MACROD2: variants seen among roughly 807,000 people sequenced by gnomAD.
The protein encoded by MACROD2 is ADP-ribose glycohydrolase MACROD2.
Under a neutral mutation model 70.4 loss-of-function variants are expected in MACROD2, and 36 were observed. The observed-to-expected ratio is 0.51, with a 90% CI of 0.39 to 0.68. MACROD2 has a LOEUF of 0.68. Among genes scored for constraint, MACROD2 ranks in the 30% least tolerant of loss-of-function variants. The probability of loss-of-function intolerance (pLI) is 0.00; values close to 1 mark genes in which losing one functional copy is unlikely to be tolerated. For missense variants in MACROD2, 496 were observed against 538.4 expected, an observed-to-expected ratio of 0.92 and a Z score of 0.78; for synonymous variants, 172 against 178.8, an observed-to-expected ratio of 0.96 and a Z score of 0.30.
intron 3 of MACROD2, among the ~76,000 whole-genome samples, chr20:14,467,493 C>T (rs555831052): frequency 4.1e-4 from 63 of 152,178 alleles, no homozygotes; most frequent in Non-Finnish European, 6.5e-4. Context: ...CCGGGTGAGG[C>T]GATGCCTCTC....
chr20:14,484,342 A>T (rs2123080344), intron 3 of MACROD2, among the ~76,000 whole-genome samples: 1 of 152,270 alleles, frequency 6.6e-6, no homozygotes, highest in South Asian at 2.1e-4. Flanking sequence ...ATATAGAAGT[A>T]CATGAGATTA....
intron 5 of MACROD2, among the ~76,000 whole-genome samples, chr20:14,860,513 C>G (rs978349087): frequency 3.9e-5 from 6 of 152,062 alleles, no homozygotes; most frequent in Admixed American, 2.0e-4. Context: ...GCTGCACCTC[C>G]CTCCCGGCTG....
intron 3 of MACROD2, among the ~76,000 whole-genome samples, chr20:14,312,792 T>C (rs1239930275): frequency 6.6e-6 from 1 of 152,230 alleles, no homozygotes; most frequent in Admixed American, 6.5e-5. Flanking sequence ...TTCAGAGATA[T>C]TAAGTATTTT....
chr20:14,831,312 A>T (rs1160638891), intron 5 of MACROD2, among the ~76,000 whole-genome samples: 1 of 152,130 alleles, frequency 6.6e-6, no homozygotes, highest in Non-Finnish European at 1.5e-5. Context: ...GCCATTTGGG[A>T]ATATTTTCAG....
chr20:14,521,752 A>G (rs984333470), intron 4 of MACROD2, among the ~76,000 whole-genome samples: 3 of 152,212 alleles, frequency 2.0e-5, no homozygotes, highest in African/African-American at 4.8e-5. Context: ...TGTAGTCAGT[A>G]CAAGCCCTGG....
intron 5 of MACROD2, among the ~76,000 whole-genome samples, chr20:15,059,405 GA>G (rs1349579539): frequency 4.6e-5 from 7 of 150,716 alleles, no homozygotes; most frequent in African/African-American, 1.2e-4. Flanking sequence ...AATAGAAAAA[GA>G]AAAAAAAAGA....
At chr20:15,720,827 T>G (rs2050777744) in intron 8 of MACROD2, among the ~76,000 whole-genome samples, 1 of 152,212 alleles carries the variant, frequency 6.6e-6, no homozygotes, top group African/African-American at 2.4e-5. Context: ...GCTTCTGTTT[T>G]AGCTTTTCTA....
chr20:15,792,799 G>A (rs2063636678), intron 8 of MACROD2, among the ~76,000 whole-genome samples: 1 of 152,176 alleles, frequency 6.6e-6, no homozygotes, highest in Admixed American at 6.6e-5. Context: ...TCATGACTTT[G>A]TGATGCCTCT....
chr20:14,322,946 A>G (rs911415678), intron 3 of MACROD2: 1 of 152,134 alleles, frequency 6.6e-6, no homozygotes, highest in South Asian at 2.1e-4. Context: ...TAGATCTGAG[A>G]TTTCAAGTCT....
At chr20:14,110,830 A>C (rs2054440413) in intron 3 of MACROD2, among the ~76,000 whole-genome samples, 1 of 151,986 alleles carries the variant, frequency 6.6e-6, no homozygotes, top group African/African-American at 2.4e-5. Context: ...TGCAGTCCCT[A>C]TCAAAATACC....
At chr20:14,985,469 G>A (rs1469264291) in intron 5 of MACROD2, among the ~76,000 whole-genome samples, 1 of 152,132 alleles carries the variant, frequency 6.6e-6, no homozygotes, top group South Asian at 2.1e-4. Context: ...AAGCAGTGGG[G>A]TGTGTAGAGG....
chr20:14,874,697 A>G (rs2073529703), intron 5 of MACROD2, among the ~76,000 whole-genome samples: 1 of 150,404 alleles, frequency 6.6e-6, no homozygotes. Flanking sequence ...TTATTTATTT[A>G]TTTATTTATT....
chr20:15,114,994 G>A (rs545868161), intron 5 of MACROD2, among the ~76,000 whole-genome samples: 1 of 152,266 alleles, frequency 6.6e-6, no homozygotes, highest in African/African-American at 2.4e-5. Context: ...AAACACTCTT[G>A]CTACCAATTC....
intron 5 of MACROD2, among the ~76,000 whole-genome samples, chr20:14,734,453 A>G (rs1363934944): frequency 6.6e-6 from 1 of 151,600 alleles, no homozygotes; most frequent in African/African-American, 2.4e-5. Context: ...GTGAGCCGAG[A>G]TCAAACCACT....
chr20:15,958,817 A>T (rs2066016652), intron 12 of MACROD2, among the ~76,000 whole-genome samples: 1 of 152,200 alleles, frequency 6.6e-6, no homozygotes, highest in Non-Finnish European at 1.5e-5. Flanking sequence ...TAGTGTCCTT[A>T]TAAAAAGCAG....
chr20:15,271,003 T>C (rs1276608087), intron 6 of MACROD2, among the ~76,000 whole-genome samples: 7 of 152,224 alleles, frequency 4.6e-5, no homozygotes, highest in Non-Finnish European at 5.9e-5. Flanking sequence ...GTTTTTGTAA[T>C]TGTTTCTTCT....
At chr20:15,983,164 T>C (rs188055429) in intron 13 of MACROD2, among the ~76,000 whole-genome samples, 1 of 152,356 alleles carries the variant, frequency 6.6e-6, no homozygotes, top group East Asian at 1.9e-4. Flanking sequence ...TCTACTAAAA[T>C]ATTGACTTAA....
chr20:14,746,829 G>A (rs1003750846), intron 5 of MACROD2, among the ~76,000 whole-genome samples: 24 of 152,020 alleles, frequency 1.6e-4, no homozygotes, highest in African/African-American at 5.6e-4. Context: ...TTGGCTTTGC[G>A]GAATCGAATT....
At chr20:14,539,497 G>A (rs1330464262) in intron 4 of MACROD2, among the ~76,000 whole-genome samples, 1 of 152,124 alleles carries the variant, frequency 6.6e-6, no homozygotes, top group Non-Finnish European at 1.5e-5. Flanking sequence ...GACCATTTAG[G>A]GAAGGGGGAC....
Sources: gnomAD v4.1 joint callset for allele counts (sites outside exome capture counted in the v4.1 genomes callset) on GRCh38, gnomAD v4.1.1 for gene constraint, MANE v1.5 for transcripts, NCBI Gene and HGNC (gene_info 2026-07-23, HGNC 2026-07-21) for gene names.